MRC2: variants seen among roughly 807,000 people sequenced by gnomAD.
MRC2 encodes the protein C-type mannose receptor 2.
In MRC2, 84 loss-of-function variants were observed where a neutral mutation model predicts 206.2. That is an observed-to-expected ratio of 0.41 (90% CI 0.34 to 0.49). MRC2 has a LOEUF of 0.49. Among genes scored for constraint, MRC2 ranks in the 20% least tolerant of loss-of-function variants. MRC2 has a pLI of 0.31. For missense variants in MRC2, 1,676 were observed against 2,001.5 expected, an observed-to-expected ratio of 0.84 and a Z score of 3.10; for synonymous variants, 798 against 800.0, an observed-to-expected ratio of 1.00 and a Z score of 0.04.
intron 1 of MRC2, among the ~76,000 whole-genome samples, chr17:62,639,519 C>T (rs913519563): frequency 6.6e-5 from 10 of 152,234 alleles, no homozygotes; most frequent in East Asian, 1.9e-4. Context: ...TTCAATCTTT[C>T]GGACAATATG....
Position 62,627,785 on chromosome 17 carries a change from T to C in MRC2, c.-18T>C. On this transcript the variant is annotated 5_prime_UTR_variant, in exon 1 of 30. Transcript: ENST00000303375. ...GTGCGCCCTCGGTCCCCGCGTCCAC[T>C]GAGCGCCGCGCTCGGGGATGGGGCC... 7.1e-7 allele frequency: 1 copy of C among 1,413,110 alleles called. No individual in the cohort carries two copies. Among genetic ancestry groups the C allele is most frequent in the Non-Finnish European group, 9.1e-7 (1 of 1,093,236 alleles). 87.5% of individuals were successfully genotyped at this position (1,413,110 alleles called of 1,614,324 possible). A position where few individuals can be genotyped will look rare whatever the true frequency, so the allele number is the denominator to read the frequency against.
rs1568068209 is a variant in MRC2, at chr17:62,680,404, C to G, written c.2438-14C>G. 6.2e-7 allele frequency: 1 copy of G among 1,614,120 alleles called. No homozygotes were observed. ...TCTCCTTTCCTCACAACGTCTTTGT[C>G]CTTGTTCCCCTAGGTACGGACGTGC... is the stretch of plus-strand genomic sequence containing the variant. On this transcript the variant is annotated splice_polypyrimidine_tract_variant and intron_variant, in intron 15 of 29. Transcript: ENST00000303375. The surrounding 1 kb of genome is among the most constrained non-coding windows in gnomAD (Gnocchi z 4.8).
chr17:62,676,603 G>A, intron 11 of MRC2, 72 bp downstream of exon 11: 4 of 1,512,086 alleles, frequency 2.6e-6, no homozygotes, highest in Non-Finnish European at 3.5e-6. Flanking sequence ...TGCCAGCACC[G>A]AGCCCCAGGG....
At chr17:62,660,983 A>T (rs1176529053) in intron 1 of MRC2, among the ~76,000 whole-genome samples, 1 of 152,228 alleles carries the variant, frequency 6.6e-6, no homozygotes, top group Admixed American at 6.5e-5. Context: ...TATGATAGAG[A>T]GTAACTGTGG....
Position 62,664,487 on chromosome 17 carries a change from GTCA to G in MRC2, c.119-57_119-55del, listed in dbSNP as rs2088721496. The G allele has an allele frequency of 2.6e-6, 4 of 1,539,490 alleles. No individual in the cohort carries two copies. Among genetic ancestry groups the G allele is most frequent in the Non-Finnish European group, 3.5e-6 (4 of 1,141,980 alleles). On this transcript the variant is annotated intron_variant, in intron 1 of 29. Transcript: ENST00000303375. The surrounding 1 kb of genome is among the most constrained non-coding windows in gnomAD (Gnocchi z 4.7). ...TGGTAGGTGCCTGTCAGCCACACCG[GTCA>G]TCAAGGGCCAACCAGGAGAGCCCCT...
chr17:62,655,763 A>G (rs1012723289), intron 1 of MRC2, among the ~76,000 whole-genome samples: 1 of 152,010 alleles, frequency 6.6e-6, no homozygotes, highest in African/African-American at 2.4e-5. Flanking sequence ...AAAAAGAAAG[A>G]AAGAAATATT....
chr17:62,676,033 C>T (rs2088888088), intron 10 of MRC2, 128 bp downstream of exon 10: 1 of 731,284 alleles, frequency 1.4e-6, no homozygotes, highest in Non-Finnish European at 2.3e-6. Flanking sequence ...CCTCAGTGGG[C>T]TCCAGGGCAT....
In MRC2 at chr17:62,689,559, C is replaced by A. The variant is rs1287889402; in HGVS notation, c.3372C>A (p.Pro1124=). The A allele has an allele frequency of 1.9e-6, 3 of 1,596,414 alleles. No individual in the cohort carries two copies. In the South Asian group the frequency reaches 3.4e-5, roughly 18 times the overall value. Residue 1124 remains proline, a synonymous_variant, in exon 24 of 30, where the codon CCC becomes CCA. Coordinates refer to ENST00000303375, the MANE Select transcript of MRC2 (RefSeq NM_006039.5). The stretch of plus-strand genomic sequence containing the variant: ...GCCCGTCCCCAGCAGCGCTGCCCCC[C>A]GCCCCGGGCACTGAGCTCTCCTACC... ...SLSPSPAALP[P]APGTELSYLN...
Position 62,666,012 on chromosome 17 carries a change from G to A in MRC2, c.521-82G>A. The A allele has an allele frequency of 7.0e-7, 1 of 1,428,700 alleles. No homozygotes were observed. Among genetic ancestry groups the A allele is most frequent in the South Asian group, 1.4e-5 (1 of 72,258 alleles). The allele number at this position is 1,428,700 out of a possible 1,614,324, so 88.5% of individuals were successfully genotyped here. A position where few individuals can be genotyped will look rare whatever the true frequency, so the allele number is the denominator to read the frequency against. On this transcript the variant is annotated intron_variant, in intron 2 of 29. Coordinates refer to ENST00000303375, the MANE Select transcript of MRC2 (RefSeq NM_006039.5). This position sits in a 1 kb window ranked among gnomAD's most constrained non-coding sequence, Gnocchi z 5.0. ...GAACACCCAGCACTCTGGGTTTTAG[G>A]GGATTTCTCCTGAGGGTCGAGGGGC...
At chr17:62,631,269 T>C (rs2084213813) in intron 1 of MRC2, among the ~76,000 whole-genome samples, 1 of 152,096 alleles carries the variant, frequency 6.6e-6, no homozygotes, top group Non-Finnish European at 1.5e-5. Context: ...GCGCTGTGCA[T>C]GTGGTGGGCG....
rs181887751 is a variant in MRC2, at chr17:62,634,085, G to A, written c.118+6165G>A. Among the ~76,000 whole-genome samples, 42 of 152,184 alleles carry A rather than the reference G, an allele frequency of 2.8e-4. 1 individual carries two copies. The highest frequency in any genetic ancestry group is 1.0e-3 in the African/African-American group (42 of 41,512). On this transcript the variant is annotated intron_variant, in intron 1 of 29. Transcript: ENST00000303375. ...GCTTATACAATTGTTACTTCTTGAT[G>A]ATATGCTAAACAAGGGGTGGATTAT... is the stretch of plus-strand genomic sequence containing the variant.
rs1555678715 is a variant in MRC2 at position 62,673,000 on chromosome 17, A to AAT, written c.1461+849_1461+850insTA. On this transcript the variant is annotated intron_variant, in intron 8 of 29. Transcript: ENST00000303375. The surrounding 1 kb of genome is among the most constrained non-coding windows in gnomAD (Gnocchi z 4.5). ...GAGCAAGACCCTGTCTCAAAAAAAA[A>AAT]AAAATAAAATAAAAAGGAGAAAGCC... is the stretch of plus-strand genomic sequence containing the variant. Among the ~76,000 whole-genome samples the AAT allele has an allele frequency of 7.1e-4, 108 of 151,480 alleles. No individual in the cohort carries two copies. Among genetic ancestry groups the AAT allele is most frequent in the African/African-American group, 2.6e-3 (106 of 41,124 alleles).
intron 20 of MRC2, among the ~76,000 whole-genome samples, chr17:62,686,043 G>A (rs570019149): frequency 6.6e-6 from 1 of 152,288 alleles, no homozygotes; most frequent in South Asian, 2.1e-4. Context: ...CTAGGGGAGG[G>A]GAGGGATGGT....
chr17:62,692,598 C>G lies in MRC2; in HGVS notation c.*147C>G. 1.2e-6 allele frequency: 1 copy of G among 824,510 alleles called. No homozygotes were observed. Among genetic ancestry groups the G allele is most frequent in the Non-Finnish European group, 1.9e-6 (1 of 535,466 alleles). The allele number at this position is 824,510 out of a possible 1,614,324, so 51.1% of individuals were successfully genotyped here. On this transcript the variant is annotated 3_prime_UTR_variant, in exon 30 of 30. Transcript: ENST00000303375. The surrounding 1 kb of genome is among the most constrained non-coding windows in gnomAD (Gnocchi z 4.2). ...GTTGGGAGCCGGAGCTGGGCAGAGC[C>G]TGGGCTGGTGGGGTGCCACCCTCCC...
rs2088767988 is a variant in MRC2, at chr17:62,667,159, G to A, written c.974-231G>A. Among the ~76,000 whole-genome samples the A allele has an allele frequency of 2.6e-5, 4 of 152,190 alleles. No homozygotes were observed. The highest frequency in any genetic ancestry group is 5.9e-5 in the Non-Finnish European group (4 of 68,018). ...CCAGCAGCCTGGACGGGGAGGCCGG[G>A]GCGGGGCTGGTACTGGTTACTGGGT... On this transcript the variant is annotated intron_variant, in intron 5 of 29. Transcript: ENST00000303375. The surrounding 1 kb of genome is among the most constrained non-coding windows in gnomAD (Gnocchi z 4.1).
At chr17:62,665,791 C>T (rs1206240277) in intron 2 of MRC2, among the ~76,000 whole-genome samples, 3 of 152,192 alleles carry the variant, frequency 2.0e-5, no homozygotes, top group African/African-American at 7.2e-5. Flanking sequence ...CCACCGGGCT[C>T]AGCCCTCTGT....
At position 62,671,216 on chromosome 17, in the gene MRC2, G is replaced by C. The variant is rs1043852520; in HGVS notation, c.1118-433G>C. Reference sequence around the variant, plus strand: ...CCTCCTGAGTAGCGGGACCACAGGCGCACATCACCATGCCTGGCTAATTTT... The same window carrying C: ...CCTCCTGAGTAGCGGGACCACAGGCCCACATCACCATGCCTGGCTAATTTT... On this transcript the variant is annotated intron_variant, in intron 6 of 29. Coordinates refer to ENST00000303375, the MANE Select transcript of MRC2 (RefSeq NM_006039.5). This position sits in a 1 kb window ranked among gnomAD's most constrained non-coding sequence, Gnocchi z 4.5. Among the ~76,000 whole-genome samples the C allele has an allele frequency of 6.6e-6, 1 of 152,248 alleles. No homozygotes were observed. Among genetic ancestry groups the C allele is most frequent in the African/African-American group, 2.4e-5 (1 of 41,552 alleles).
intron 27 of MRC2, 24 bp from the exon 28 acceptor site, chr17:62,690,925 C>A: frequency 6.4e-7 from 1 of 1,564,740 alleles, no homozygotes; most frequent in Non-Finnish European, 8.6e-7. Flanking sequence ...TGTCCCTGCT[C>A]CCTCAGTGCC....
chr17:62,690,073 A>G lies in MRC2; in HGVS notation c.3742+11A>G. 1 of 1,587,870 alleles carries G rather than the reference A, an allele frequency of 6.3e-7. No individual in the cohort carries two copies. The highest frequency in any genetic ancestry group is 8.6e-7 in the Non-Finnish European group (1 of 1,165,208). ...GTGGGGTTAGCAGTGGTGAGTGCCC[A>G]CCTGCCAGGGCGGGGGCATGGGCAA... On this transcript the variant is annotated intron_variant, in intron 25 of 29. Transcript: ENST00000303375.
Sources: allele counts gnomAD v4.1 joint callset (sites outside exome capture counted in the v4.1 genomes callset), GRCh38; gene constraint gnomAD v4.1.1; non-coding constraint Gnocchi (gnomAD v3.1); transcripts MANE v1.5; gene names NCBI Gene and HGNC (gene_info 2026-07-23, HGNC 2026-07-21).